Variants in TEX2 observed in about 807,000 individuals in gnomAD.
TEX2 encodes the protein testis expressed 2.
Under a neutral mutation model 106.9 loss-of-function variants are expected in TEX2, and 53 were observed. That is an observed-to-expected ratio of 0.50 (90% CI 0.40 to 0.62). The LOEUF (loss-of-function observed/expected upper bound fraction) is 0.62, where lower values mean the gene tolerates loss of function less well. Ranked by LOEUF, TEX2 falls within the 20% of genes least tolerant of loss-of-function variation. The pLI is 0.00. For missense variants in TEX2, 1,207 were observed against 1,379.0 expected, an observed-to-expected ratio of 0.88 and a Z score of 1.98; for synonymous variants, 523 against 534.8, an observed-to-expected ratio of 0.98 and a Z score of 0.30.
At chr17:64,172,881 T>G (rs2143748442) in intron 6 of TEX2, among the ~76,000 whole-genome samples, 1 of 152,324 alleles carries the variant, frequency 6.6e-6, no homozygotes, top group African/African-American at 2.4e-5. Context: ...ATAAGAATAC[T>G]GGCATCATGT....
At chr17:64,201,889 C>T (rs1467567321) in intron 2 of TEX2, among the ~76,000 whole-genome samples, 1 of 152,162 alleles carries the variant, frequency 6.6e-6, no homozygotes, top group Non-Finnish European at 1.5e-5. Flanking sequence ...AAGCCTAATT[C>T]AGAGGTGGCT....
Position 64,153,303 on chromosome 17 carries a change from A to C in TEX2, c.2931-149T>G. The stretch of plus-strand genomic sequence containing the variant: ...TGTTGGGGCGGGGGGCATCCTGTGC[A>C]TTGCAGGGTGTTCAGCAGCATCCCT... On this transcript the variant is annotated intron_variant, in intron 9 of 11. Transcript: ENST00000584379. The surrounding 1 kb of genome is among the most constrained non-coding windows in gnomAD (Gnocchi z 4.1). 1 of 630,556 alleles carries C rather than the reference A, an allele frequency of 1.6e-6. No homozygotes were observed. The allele number at this position is 630,556 out of a possible 1,614,324, so 39.1% of individuals were successfully genotyped here.
chr17:64,149,267 A>ATC, intron 11 of TEX2, 176 bp from the exon 12 acceptor site: 1 of 630,504 alleles, frequency 1.6e-6, no homozygotes, highest in Non-Finnish European at 2.6e-6. Context: ...TTGAGGAATC[A>ATC]TACCAGCGCA....
At chr17:64,164,208 C>G (rs1357231253) in intron 7 of TEX2, among the ~76,000 whole-genome samples, 1 of 152,134 alleles carries the variant, frequency 6.6e-6, no homozygotes, top group Non-Finnish European at 1.5e-5. Flanking sequence ...GAGGCTGAGG[C>G]AGGCGGATCA....
Position 64,152,947 on chromosome 17 carries a change from T to C in TEX2, c.3138A>G (p.Val1046=). ...GTCCCTGAGGGCCCTCTACGCACCA[T>C]ACTCGGTCAGTCGGGGGTGGTGGAA... The part of the protein sequence containing the change: ...VNIPPPPTDR[V]WYGFRKPPHV... The change falls in exon 10 of 12, where the codon GTA becomes GTG. Residue 1046 remains valine (V), a splice_region_variant and synonymous_variant. Transcript: ENST00000584379. 1.2e-6 allele frequency: 2 copies of C among 1,614,002 alleles called. No homozygotes were observed. Among genetic ancestry groups the C allele is most frequent in the Non-Finnish European group, 1.7e-6 (2 of 1,179,948 alleles).
intron 7 of TEX2, among the ~76,000 whole-genome samples, chr17:64,165,103 T>C (rs2031066461): frequency 6.6e-6 from 1 of 152,196 alleles, no homozygotes; most frequent in South Asian, 2.1e-4. Flanking sequence ...AAGTCAATAT[T>C]TGGCATCCAA....
chr17:64,155,320 G>A (rs148414796), intron 8 of TEX2: 99 of 185,754 alleles, frequency 5.3e-4, no homozygotes, highest in African/African-American at 2.1e-3. Flanking sequence ...GGAGCCACAC[G>A]GGAGGATGAA....
At chr17:64,170,302 G>A (rs1339308556) in intron 7 of TEX2, among the ~76,000 whole-genome samples, 2 of 152,228 alleles carry the variant, frequency 1.3e-5, no homozygotes, top group Non-Finnish European at 2.9e-5. Flanking sequence ...CCTACTAGGA[G>A]TAGCAAGGAA....
intron 2 of TEX2, among the ~76,000 whole-genome samples, chr17:64,210,167 T>C (rs2032953091): frequency 6.6e-6 from 1 of 152,222 alleles, no homozygotes; most frequent in African/African-American, 2.4e-5. Context: ...CTTCAGGTAG[T>C]CACTGCACCA....
At chr17:64,231,751 T>C (rs1209670577) in intron 1 of TEX2, among the ~76,000 whole-genome samples, 1 of 152,226 alleles carries the variant, frequency 6.6e-6, no homozygotes, top group East Asian at 1.9e-4. Flanking sequence ...GGATTCCAGT[T>C]CCACCTCTTA....
At chr17:64,181,009 T>C (rs11654647) in intron 5 of TEX2, among the ~76,000 whole-genome samples, 108,490 of 152,050 alleles carry the variant, frequency 0.71, 38,808 homozygotes, top group East Asian at 0.83. Flanking sequence ...AGGACCCTAC[T>C]CCTGTGTGTT....
intron 1 of TEX2, among the ~76,000 whole-genome samples, chr17:64,243,443 G>T (rs2033928313): frequency 6.6e-6 from 1 of 152,078 alleles, no homozygotes. Context: ...GACCCTTGGG[G>T]GAAACACTGG....
intron 1 of TEX2, among the ~76,000 whole-genome samples, chr17:64,223,290 G>C (rs2033410642): frequency 6.7e-6 from 1 of 149,678 alleles, no homozygotes; most frequent in Non-Finnish European, 1.5e-5. Context: ...AAAAAATGAA[G>C]AGCCATTTCA....
chr17:64,231,418 G>T (rs941628590), intron 1 of TEX2, among the ~76,000 whole-genome samples: 2 of 152,266 alleles, frequency 1.3e-5, no homozygotes, highest in South Asian at 4.2e-4. Flanking sequence ...AAAACTCTGA[G>T]GCTGACTAAA....
intron 2 of TEX2, among the ~76,000 whole-genome samples, chr17:64,203,704 C>T (rs1555630408): frequency 6.6e-6 from 1 of 152,090 alleles, no homozygotes; most frequent in African/African-American, 2.4e-5. Flanking sequence ...AGGGAGTCAA[C>T]ATTCAAAATA....
chr17:64,194,970 C>T lies in TEX2; in HGVS notation c.1770G>A (p.Arg590=), dbSNP rs534574993. Reference sequence around the variant, plus strand: ...GCTTGGGTTCATTGTAGCTGGCCCTCCTGGATATATTTTTATTGGGCTTTG... The same window carrying T: ...GCTTGGGTTCATTGTAGCTGGCCCTTCTGGATATATTTTTATTGGGCTTTG... ...RLSKPNKNIS[R]RASYNEPKPE... Residue 590 remains arginine, a synonymous_variant, in exon 3 of 12, where the codon AGG becomes AGA. Transcript: ENST00000584379. 9.0e-5 allele frequency: 145 copies of T among 1,614,122 alleles called. No homozygotes were observed. The highest frequency in any genetic ancestry group is 1.6e-4 in the Middle Eastern group (1 of 6,062).
intron 1 of TEX2, among the ~76,000 whole-genome samples, chr17:64,215,081 T>C (rs1555632498): frequency 1.3e-5 from 2 of 152,252 alleles, no homozygotes; most frequent in African/African-American, 2.4e-5. Flanking sequence ...TGGAGCTTAA[T>C]AGCTGATTGC....
rs537164986 is a variant in TEX2 at position 64,247,714 on chromosome 17, G to A, written c.-26+15454C>T. Among the ~76,000 whole-genome samples the A allele has an allele frequency of 3.2e-4, 49 of 152,270 alleles. No individual in the cohort carries two copies. In the South Asian group the frequency reaches 0.01, roughly 32 times the overall value. On this transcript the variant is annotated intron_variant, in intron 1 of 11. Transcript: ENST00000584379. ...TGGCTTTAGAGCTTTTTAGATGAGA[G>A]GTATGAGAGATTTAGACCTGAAGTT... is the stretch of plus-strand genomic sequence containing the variant.
At chr17:64,184,021 T>C (rs904664922) in intron 5 of TEX2, among the ~76,000 whole-genome samples, 7 of 152,244 alleles carry the variant, frequency 4.6e-5, no homozygotes, top group Non-Finnish European at 7.3e-5. Flanking sequence ...TGATGACTAA[T>C]GATACTGAGC....
Sources: allele counts gnomAD v4.1 joint callset (sites outside exome capture counted in the v4.1 genomes callset), GRCh38; gene constraint gnomAD v4.1.1; non-coding constraint Gnocchi (gnomAD v3.1); transcripts MANE v1.5; gene names NCBI Gene and HGNC (gene_info 2026-07-23, HGNC 2026-07-21).